TULP1: variants seen among roughly 807,000 people sequenced by gnomAD.
The protein encoded by TULP1 is tubby-related protein 1.
In TULP1, 50 loss-of-function variants were observed where a neutral mutation model predicts 67.1. That is an observed-to-expected ratio of 0.75 (90% CI 0.59 to 0.94). TULP1 has a LOEUF of 0.94. Among genes scored for constraint, TULP1 ranks in the 40% least tolerant of loss-of-function variants. The pLI is 0.00. For missense variants in TULP1, 746 were observed against 734.1 expected (o/e 1.02, Z -0.19); for synonymous variants, 297 against 294.0 (o/e 1.01, Z -0.11).
intron 11 of TULP1, chr6:35,504,165 C>T (rs924185809): frequency 9.5e-6 from 3 of 314,302 alleles, no homozygotes; most frequent in Non-Finnish European, 1.2e-5. Flanking sequence ...AAAAAACACC[C>T]GCCCTCTGCC....
chr6:35,505,996 C>T lies in TULP1; in HGVS notation c.999+7G>A. On this transcript the variant is annotated splice_region_variant and intron_variant, in intron 10 of 14. Transcript: ENST00000229771. ...CACTCCCTCCTCTGCTGCCTCTCCC[C>T]ACCCACCTTCTTCTCCGTGTCCAGG... 1 of 1,614,140 alleles carries T rather than the reference C, an allele frequency of 6.2e-7. No homozygotes were observed. The highest frequency in any genetic ancestry group is 8.5e-7 in the Non-Finnish European group (1 of 1,180,044).
In TULP1 at chr6:35,508,236, G is replaced by A. The variant is rs527580067; in HGVS notation, c.822+973C>T. Among the ~76,000 whole-genome samples, 200 of 152,326 alleles carry A rather than the reference G, an allele frequency of 1.3e-3. 1 individual carries two copies. Among genetic ancestry groups the A allele is most frequent in the African/African-American group, 3.8e-3 (156 of 41,582 alleles). ...CTGTTCTCTACTCTAGGTTGTTCCA[G>A]AAGAAACCTGGGAAACAAAAGACTA... On this transcript the variant is annotated intron_variant, in intron 8 of 14. Transcript: ENST00000229771.
At position 35,512,184 on chromosome 6, in the gene TULP1, G is replaced by T; in HGVS notation, c.186C>A (p.Pro62=). ...CGGGCTCTGCACCCCGCCCACCTCC[G>T]GGCTTCCGGGGCTTGGATCCCGTGG... ...PCPTGSKPRK[P]GAGRTGRPRE... is the part of the protein sequence containing the mutation. Residue 62 remains proline (P), a synonymous_variant, in exon 3 of 15, where the codon CCC becomes CCA. Transcript: ENST00000229771. 1.5e-6 allele frequency: 2 copies of T among 1,346,316 alleles called. No homozygotes were observed. The highest frequency in any genetic ancestry group is 1.9e-6 in the Non-Finnish European group (2 of 1,048,436). The allele number at this position is 1,346,316 out of a possible 1,614,324, so 83.4% of individuals were successfully genotyped here.
chr6:35,508,028 G>A (rs544304082), intron 8 of TULP1, among the ~76,000 whole-genome samples: 119 of 151,988 alleles, frequency 7.8e-4, no homozygotes, highest in African/African-American at 2.1e-3. Flanking sequence ...TCTACTATTC[G>A]CCAGGCTGGT....
At position 35,500,015 on chromosome 6, in the gene TULP1, TGAGGCCTG is replaced by T. The variant is rs1421431727; in HGVS notation, c.1453_1460del (p.Gln485SerfsTer10). On this transcript the variant is annotated frameshift_variant, in exon 14 of 15. Transcript: ENST00000229771. LOFTEE classifies it high-confidence loss of function. The stretch of plus-strand genomic sequence containing the variant: ...CGTGGACAATCTGGAAGTTCTTGAC[TGAGGCCTG>T]GGTGACCCGGCCTTGGAAGTTGAGG... 1 of 1,614,154 alleles carries T rather than the reference TGAGGCCTG, an allele frequency of 6.2e-7. No homozygotes were observed. Among genetic ancestry groups the T allele is most frequent in the Non-Finnish European group, 8.5e-7 (1 of 1,180,032 alleles).
In TULP1 at chr6:35,503,631, G is replaced by T. The variant is rs1275550336; in HGVS notation, c.1251C>A (p.Gly417=). 1.9e-6 allele frequency: 3 copies of T among 1,599,480 alleles called. No individual in the cohort carries two copies. In the Admixed American group the frequency reaches 5.2e-5, roughly 28 times the overall value. ...GAATGATGACGGTCATGCGCCGGGG[G>T]CCACGGAAGCCCAGCACGTTGGTTT... ...IYETNVLGFR[G]PRRMTVIIPG... Residue 417 remains glycine, a synonymous_variant, in exon 13 of 15, where the codon GGC becomes GGA. Coordinates refer to ENST00000229771, the MANE Select transcript of TULP1 (RefSeq NM_003322.6). The surrounding 1 kb of genome is among the most constrained non-coding windows in gnomAD (Gnocchi z 4.0).
rs751981806 is a variant in TULP1, at chr6:35,510,988, G to GTCCTCCTCT, written c.363_371dup (p.Glu121_Glu123dup). 6.2e-7 allele frequency: 1 copy of GTCCTCCTCT among 1,600,270 alleles called. No homozygotes were observed. Among genetic ancestry groups the GTCCTCCTCT allele is most frequent in the Non-Finnish European group, 8.5e-7 (1 of 1,173,664 alleles). Reference sequence around the variant, plus strand: ...CTGCCTCCTCTTCCTCGTCCTCCTCGTCCTCCTCTTCCTCCTCCTCCTCTG... The same window carrying GTCCTCCTCT: ...CTGCCTCCTCTTCCTCGTCCTCCTCGTCCTCCTCTTCCTCCTCTTCCTCCTCCTCCTCTG... On this transcript the variant is annotated inframe_insertion, in exon 5 of 15. Coordinates refer to ENST00000229771, the MANE Select transcript of TULP1 (RefSeq NM_003322.6).
At position 35,511,082 on chromosome 6, in the gene TULP1, G is replaced by C; in HGVS notation, c.350-72C>G. The C allele has an allele frequency of 5.0e-6, 8 of 1,593,410 alleles. No individual in the cohort carries two copies. The South Asian group carries it at 5.5e-5, about 11-fold the overall frequency. On this transcript the variant is annotated intron_variant, in intron 4 of 14. Transcript: ENST00000229771. ...TTATCTGGGGAGCCCAGTTCCTCCAGACTGCTGGGAAGTGGTGCATGGGCA... is the reference window on the plus strand; with the variant it reads ...TTATCTGGGGAGCCCAGTTCCTCCACACTGCTGGGAAGTGGTGCATGGGCA...
chr6:35,512,186 G>A lies in TULP1; in HGVS notation c.184C>T (p.Pro62Ser), dbSNP rs781650198. ...PCPTGSKPRK[P>S]GAGRTGRPRE... ...GGCTCTGCACCCCGCCCACCTCCGG[G>A]CTTCCGGGGCTTGGATCCCGTGGGG... Residue 62 changes from proline to serine, a missense_variant, in exon 3 of 15, where the codon CCC becomes TCC. Pro to Ser is a moderately conservative substitution (Grantham distance 74, BLOSUM62 -1). Transcript: ENST00000229771. 187 of 1,348,468 alleles carry A rather than the reference G, an allele frequency of 1.4e-4. No individual in the cohort carries two copies. Among genetic ancestry groups the A allele is most frequent in the Middle Eastern group, 7.1e-4 (3 of 4,214 alleles). The allele number at this position is 1,348,468 out of a possible 1,614,324, so 83.5% of individuals were successfully genotyped here. A position where few individuals can be genotyped will look rare whatever the true frequency, so the allele number is the denominator to read the frequency against.
At position 35,512,195 on chromosome 6, in the gene TULP1, G is replaced by C; in HGVS notation, c.175C>G (p.Pro59Ala). 7.4e-7 allele frequency: 1 copy of C among 1,348,460 alleles called. No individual in the cohort carries two copies. The highest frequency in any genetic ancestry group is 9.5e-7 in the Non-Finnish European group (1 of 1,049,210). 83.5% of individuals were successfully genotyped at this position (1,348,460 alleles called of 1,614,324 possible). Residue 59 changes from proline to alanine, a missense_variant, in exon 3 of 15, where the codon CCC (proline) becomes GCC (alanine). By Grantham distance (27) the Pro-to-Ala change is conservative. Coordinates refer to ENST00000229771, the MANE Select transcript of TULP1 (RefSeq NM_003322.6). ...CCCCGCCCACCTCCGGGCTTCCGGG[G>C]CTTGGATCCCGTGGGGCAGGGGGAT... The part of the protein sequence containing the change: ...PESPCPTGSK[P>A]RKPGAGRTGR...
Position 35,506,185 on chromosome 6 carries a change from C to T in TULP1, c.829-12G>A. 6.2e-7 allele frequency: 1 copy of T among 1,613,434 alleles called. No homozygotes were observed. Among genetic ancestry groups the T allele is most frequent in the South Asian group, 1.1e-5 (1 of 91,050 alleles). ...GCCCTCTCCTCCTTCTGGGTGGGGG[C>T]AGAGGGTACATCAGCCCCAGAGCAC... On this transcript the variant is annotated splice_polypyrimidine_tract_variant and intron_variant, in intron 9 of 14. Transcript: ENST00000229771.
In TULP1 at chr6:35,510,959, T is replaced by C; in HGVS notation, c.401A>G (p.Glu134Gly). 6.2e-7 allele frequency: 1 copy of C among 1,611,964 alleles called. No individual in the cohort carries two copies. The highest frequency in any genetic ancestry group is 8.5e-7 in the Non-Finnish European group (1 of 1,179,962). ...DEEDEEEEAE[E>G]KKEKILLPPK... ...AGGCAGAAGGATTTTCTCTTTCTTT[T>C]CCTCTGCCTCCTCTTCCTCGTCCTC... Residue 134 changes from glutamate (E) to glycine (G), a missense_variant, in exon 5 of 15, where the codon GAA becomes GGA. Glu to Gly is a moderately conservative substitution (Grantham distance 98). Around this residue, in one of 3 missense-constraint regions of TULP1, gnomAD observed 359 missense variants for 341.9 expected, o/e 1.05. Coordinates refer to ENST00000229771, the MANE Select transcript of TULP1 (RefSeq NM_003322.6).
intron 4 of TULP1, 91 bp from the exon 5 acceptor site, chr6:35,511,101 A>G (rs1761192377): frequency 3.2e-6 from 5 of 1,578,134 alleles, no homozygotes; most frequent in South Asian, 1.1e-5. Flanking sequence ...GAAGTGGTGC[A>G]TGGGCACCAG....
At chr6:35,505,399 A>G (rs1761058929) in intron 11 of TULP1, 1 of 409,812 alleles carries the variant, frequency 2.4e-6, no homozygotes, top group African/African-American at 2.1e-5. Context: ...AGTAGCTAAT[A>G]TGTGTTCAGT....
rs760121380 is a variant in TULP1 at position 35,505,783 on chromosome 6, G to A, written c.1070C>T (p.Thr357Ile). Reference protein sequence around the residue: ...TANYLISIDPTNLSRGGENFI... With the variant: ...TANYLISIDPINLSRGGENFI... ...ATTCTCCCCTCCTCGGGACAGATTG[G>A]TAGGGTCGATGGAGATGAGGTAATT... Residue 357 changes from threonine to isoleucine, a missense_variant, in exon 11 of 15, where the codon ACC (threonine) becomes ATC (isoleucine). Physicochemically the swap from Thr to Ile is moderately conservative, Grantham distance 89. Transcript: ENST00000229771. The A allele has an allele frequency of 6.2e-6, 10 of 1,614,086 alleles. No homozygotes were observed. In the East Asian group the frequency reaches 8.9e-5, roughly 14 times the overall value.
At chr6:35,504,604 AG>A (rs1306400301) in intron 11 of TULP1, among the ~76,000 whole-genome samples, 4 of 151,936 alleles carry the variant, frequency 2.6e-5, no homozygotes, top group Admixed American at 2.6e-4. Context: ...TCTGTCGCCC[AG>A]GCTGGAGTGC....
At position 35,506,014 on chromosome 6, in the gene TULP1, T is replaced by C. The variant is rs1184064004; in HGVS notation, c.988A>G (p.Thr330Ala). The change falls in exon 10 of 15, where the codon ACG becomes GCG. Residue 330 changes from threonine to alanine, a missense_variant. This residue lies in a region of TULP1 where 383 missense variants were observed against 374.1 expected (regional missense o/e 1.02). Coordinates refer to ENST00000229771, the MANE Select transcript of TULP1 (RefSeq NM_003322.6). ...MYPSYFLHLDTEKKVFLLAGR... is the reference protein window; with the variant it reads ...MYPSYFLHLDAEKKVFLLAGR... The stretch of plus-strand genomic sequence containing the variant: ...CTCTCCCCACCCACCTTCTTCTCCG[T>C]GTCCAGGTGCAGGAAGTAGGAGGGA... The C allele has an allele frequency of 1.9e-6, 3 of 1,614,078 alleles. No individual in the cohort carries two copies. Among genetic ancestry groups the C allele is most frequent in the Non-Finnish European group, 2.5e-6 (3 of 1,180,038 alleles).
At chr6:35,510,437 CT>C (rs1395255468) in intron 5 of TULP1, among the ~76,000 whole-genome samples, 1 of 152,198 alleles carries the variant, frequency 6.6e-6, no homozygotes, top group African/African-American at 2.4e-5. Context: ...GCCCAAGGTC[CT>C]AGCTCTAGGC....
chr6:35,511,008 C>T lies in TULP1; in HGVS notation c.352G>A (p.Glu118Lys). Residue 118 changes from glutamate (E) to lysine (K), a missense_variant and splice_region_variant, in exon 5 of 15, where the codon GAG becomes AAG. By Grantham distance (56) the Glu-to-Lys change is moderately conservative. Transcript: ENST00000229771. ...TCCTCGTCCTCCTCTTCCTCCTCCT[C>T]CTCTGCAGGTAGAAACTCTTCATAA... Reference protein sequence around the residue: ...VARAPDAEDEEEEEEEDEEDE... With the variant: ...VARAPDAEDEKEEEEEDEEDE... The T allele has an allele frequency of 6.2e-7, 1 of 1,605,538 alleles. No homozygotes were observed. Among genetic ancestry groups the T allele is most frequent in the Non-Finnish European group, 8.5e-7 (1 of 1,180,006 alleles).
Sources: allele counts gnomAD v4.1 joint callset (sites outside exome capture counted in the v4.1 genomes callset), GRCh38; gene constraint gnomAD v4.1.1; regional missense constraint gnomAD v4.1.1; non-coding constraint Gnocchi (gnomAD v3.1); transcripts MANE v1.5; gene names NCBI Gene and HGNC (gene_info 2026-07-23, HGNC 2026-07-21).